Variants in RFX7 observed in about 807,000 individuals in gnomAD.
The protein encoded by RFX7 is DNA-binding protein RFX7.
In RFX7, 26 loss-of-function variants were observed where a neutral mutation model predicts 111.8. The ratio of observed to expected loss-of-function variants is 0.23; its 90% confidence interval spans 0.17 to 0.32. The LOEUF (loss-of-function observed/expected upper bound fraction) is 0.32, where lower values mean the gene tolerates loss of function less well. Ranked by LOEUF, RFX7 falls within the 10% of genes least tolerant of loss-of-function variation. The pLI is 1.00. For synonymous variants in RFX7, 624 were observed against 624.4 expected (o/e 1.00, Z 0.01); for missense variants, 1,573 against 1,772.9 (o/e 0.89, Z 2.02).
chr15:56,159,541 A>G (rs1285531775), intron 3 of RFX7, among the ~76,000 whole-genome samples: 1 of 152,202 alleles, frequency 6.6e-6, no homozygotes, highest in East Asian at 1.9e-4. Context: ...AAGTTAGTAA[A>G]TATTTCTGAC....
intron 3 of RFX7, among the ~76,000 whole-genome samples, chr15:56,175,421 C>A (rs565437587): frequency 1.3e-5 from 2 of 151,978 alleles, no homozygotes; most frequent in Admixed American, 6.6e-5. Flanking sequence ...TAAAAATTGA[C>A]AAAGTAACTC....
At chr15:56,154,866 T>A (rs1443566905) in intron 3 of RFX7, among the ~76,000 whole-genome samples, 2 of 151,602 alleles carry the variant, frequency 1.3e-5, no homozygotes, top group African/African-American at 4.9e-5. Context: ...TGGGAGAAAA[T>A]TTTTGCAATC....
chr15:56,167,652 CA>C (rs1359590959), intron 3 of RFX7, among the ~76,000 whole-genome samples: 6 of 152,084 alleles, frequency 3.9e-5, no homozygotes, highest in Admixed American at 2.6e-4. Context: ...AAAACATTAA[CA>C]AAAAAATCTA....
At chr15:56,219,600 G>A (rs2043402897) in intron 2 of RFX7, among the ~76,000 whole-genome samples, 1 of 152,148 alleles carries the variant, frequency 6.6e-6, no homozygotes, top group Non-Finnish European at 1.5e-5. Flanking sequence ...CCACTTATGA[G>A]TGAGAACATG....
chr15:56,104,645 G>A (rs534953526), intron 5 of RFX7, among the ~76,000 whole-genome samples: 1 of 152,204 alleles, frequency 6.6e-6, no homozygotes, highest in East Asian at 1.9e-4. Context: ...TCCCTAAAGT[G>A]ACCTTAGCTC....
intron 2 of RFX7, among the ~76,000 whole-genome samples, chr15:56,190,874 T>C (rs550277694): frequency 2.5e-3 from 387 of 152,318 alleles, no homozygotes; most frequent in Non-Finnish European, 4.6e-3. Context: ...GAAAACAAAA[T>C]TTTAATCCTC....
chr15:56,114,447 A>C (rs1238170641), intron 5 of RFX7, among the ~76,000 whole-genome samples: 1 of 151,596 alleles, frequency 6.6e-6, no homozygotes, highest in Non-Finnish European at 1.5e-5. Flanking sequence ...ACAACAAAAA[A>C]ACAACAGAAA....
At chr15:56,198,670 A>G (rs2043167436) in intron 2 of RFX7, among the ~76,000 whole-genome samples, 1 of 152,198 alleles carries the variant, frequency 6.6e-6, no homozygotes, top group African/African-American at 2.4e-5. Flanking sequence ...GATATCCACC[A>G]GTAGCCATAA....
chr15:56,214,525 T>C (rs1478425100), intron 2 of RFX7, among the ~76,000 whole-genome samples: 2 of 151,254 alleles, frequency 1.3e-5, no homozygotes, highest in African/African-American at 4.9e-5. Flanking sequence ...ACCATCCTGG[T>C]TAACATGGTG....
intron 2 of RFX7, among the ~76,000 whole-genome samples, chr15:56,184,972 C>G (rs774574643): frequency 6.6e-6 from 1 of 152,088 alleles, no homozygotes; most frequent in Non-Finnish European, 1.5e-5. Context: ...CTTGATCGAG[C>G]TTTTTTGACA....
chr15:56,219,648 G>A (rs1422839013), intron 2 of RFX7, among the ~76,000 whole-genome samples: 6 of 152,084 alleles, frequency 3.9e-5, no homozygotes, highest in Admixed American at 3.9e-4. Context: ...AGTGTGCTTA[G>A]GATAATGACT....
rs367955584 is a variant in RFX7 at position 56,242,348 on chromosome 15, T to C, written c.161+777A>G. Among the ~76,000 whole-genome samples, 123 of 152,346 alleles carry C rather than the reference T, an allele frequency of 8.1e-4. 1 individual carries two copies. The South Asian group carries it at 0.016, about 20-fold the overall frequency. On this transcript the variant is annotated intron_variant, in intron 2 of 9. Transcript: ENST00000559447. ...TGGATGGACTTAGTGTATTTAATTA[T>C]TAAAAGATTCCCACTAGACTTTAGG...
rs190535458 is a variant in RFX7, at chr15:56,129,208, C to G, written c.401+13570G>C. ...CTTGCCAACATGGTGAAACCCATCCCTATAATAAATATAAAAATTAGCCAG... is the reference window on the plus strand; with the variant it reads ...CTTGCCAACATGGTGAAACCCATCCGTATAATAAATATAAAAATTAGCCAG... On this transcript the variant is annotated intron_variant, in intron 5 of 9. Transcript: ENST00000559447. Among the ~76,000 whole-genome samples the G allele has an allele frequency of 1.5e-4, 23 of 152,058 alleles. 1 individual carries two copies. The East Asian group carries it at 3.7e-3, about 24-fold the overall frequency.
intron 2 of RFX7, among the ~76,000 whole-genome samples, chr15:56,201,494 A>C (rs1442337863): frequency 6.6e-6 from 1 of 152,230 alleles, no homozygotes; most frequent in Non-Finnish European, 1.5e-5. Context: ...TAATCTCCTC[A>C]ATGTTCAAAT....
chr15:56,129,763 G>A (rs1403556929), intron 5 of RFX7, among the ~76,000 whole-genome samples: 2 of 152,148 alleles, frequency 1.3e-5, no homozygotes, highest in African/African-American at 2.4e-5. Flanking sequence ...ATGTCTACTT[G>A]GCATAGTTCA....
At chr15:56,156,584 A>G (rs1179611508) in intron 3 of RFX7, among the ~76,000 whole-genome samples, 2 of 152,054 alleles carry the variant, frequency 1.3e-5, no homozygotes, top group African/African-American at 2.4e-5. Flanking sequence ...TTCCTAAGGT[A>G]TGTAACTTAA....
chr15:56,210,970 G>A (rs2043307704), intron 2 of RFX7, among the ~76,000 whole-genome samples: 1 of 152,072 alleles, frequency 6.6e-6, no homozygotes, highest in South Asian at 2.1e-4. Context: ...AGATCCCCTG[G>A]CATTAAAAAG....
At chr15:56,214,070 T>C (rs1012058197) in intron 2 of RFX7, among the ~76,000 whole-genome samples, 2 of 152,042 alleles carry the variant, frequency 1.3e-5, no homozygotes, top group Non-Finnish European at 1.5e-5. Context: ...CATGCATGAG[T>C]TTTTTTCTAG....
At chr15:56,151,690 A>G (rs111549027) in intron 3 of RFX7, among the ~76,000 whole-genome samples, 35 of 152,356 alleles carry the variant, frequency 2.3e-4, no homozygotes, top group Non-Finnish European at 4.7e-4. Flanking sequence ...TAACGACAGG[A>G]TCAAATTCAC....
Sources: allele counts gnomAD v4.1 joint callset (sites outside exome capture counted in the v4.1 genomes callset), GRCh38; gene constraint gnomAD v4.1.1; transcripts MANE v1.5; gene names NCBI Gene and HGNC (gene_info 2026-07-23, HGNC 2026-07-21).